STXBP5L: variants seen among roughly 807,000 people sequenced by gnomAD.
STXBP5L encodes the protein syntaxin-binding protein 5-like.
STXBP5L carries 65 observed loss-of-function variants against 144.5 expected under a neutral mutation model. The observed-to-expected ratio is 0.45, with a 90% CI of 0.37 to 0.55. STXBP5L has a LOEUF of 0.55. Among genes scored for constraint, STXBP5L ranks in the 20% least tolerant of loss-of-function variants. STXBP5L has a pLI of 0.00. For missense variants in STXBP5L, 1,298 were observed against 1,405.5 expected (o/e 0.92, Z 1.22); for synonymous variants, 505 against 469.6 (o/e 1.08, Z -0.97).
At chr3:120,953,568 A>C (rs1469543888) in intron 2 of STXBP5L, among the ~76,000 whole-genome samples, 1 of 149,634 alleles carries the variant, frequency 6.7e-6, no homozygotes, top group East Asian at 2.0e-4. Flanking sequence ...GAACTCCTGA[A>C]CTCAAGCAAT....
chr3:121,060,585 G>C (rs571841305), intron 5 of STXBP5L, among the ~76,000 whole-genome samples: 1 of 152,334 alleles, frequency 6.6e-6, no homozygotes, highest in East Asian at 1.9e-4. Context: ...GAATTCAGCT[G>C]TGAATCTGTC....
At chr3:121,208,990 T>C (rs114719000) in intron 10 of STXBP5L, among the ~76,000 whole-genome samples, 4,800 of 152,198 alleles carry the variant, frequency 0.032, 104 homozygotes, top group Admixed American at 0.045. Flanking sequence ...CATTGTTCGA[T>C]TCCCAATTAT....
intron 17 of STXBP5L, 94 bp downstream of exon 17, chr3:121,257,427 A>G (rs1291152394): frequency 2.5e-6 from 3 of 1,180,488 alleles, no homozygotes; most frequent in Non-Finnish European, 3.5e-6. Context: ...CTTATTATCA[A>G]GCTATTGTCA....
At chr3:121,160,350 T>C (rs935398680) in intron 9 of STXBP5L, among the ~76,000 whole-genome samples, 1 of 152,140 alleles carries the variant, frequency 6.6e-6, no homozygotes, top group Non-Finnish European at 1.5e-5. Context: ...ACACAGATTC[T>C]TCACCCAAAG....
rs547090581 is a variant in STXBP5L, at chr3:121,120,417, C to G, written c.606-1224C>G. On this transcript the variant is annotated intron_variant, in intron 6 of 26. Transcript: ENST00000471454. ...AATTTCTTTTCTTCCTGCATATATT[C>G]TAGAATGCAAATAGTAACTCTAATT... 4.6e-5 allele frequency among the ~76,000 whole-genome samples: 7 copies of G among 151,112 alleles called. No individual in the cohort carries two copies. In the South Asian group the frequency reaches 8.3e-4, roughly 18 times the overall value.
chr3:121,031,184 T>A (rs1412248804), intron 3 of STXBP5L, among the ~76,000 whole-genome samples: 1 of 152,118 alleles, frequency 6.6e-6, no homozygotes, highest in African/African-American at 2.4e-5. Context: ...GGCAGGAGAC[T>A]TTTAAACAGG....
At chr3:121,145,366 A>AT (rs58503530) in intron 7 of STXBP5L, among the ~76,000 whole-genome samples, 77,368 of 151,540 alleles carry the variant, frequency 0.51, 20,201 homozygotes, top group Admixed American at 0.6. Flanking sequence ...GATTATCTTT[A>AT]TGATGCTGAA....
intron 5 of STXBP5L, among the ~76,000 whole-genome samples, chr3:121,063,131 C>T (rs1288734980): frequency 6.6e-6 from 1 of 152,162 alleles, no homozygotes; most frequent in Non-Finnish European, 1.5e-5. Context: ...TGGCTTCTCC[C>T]CATCTTTGTG....
Position 121,141,328 on chromosome 3 carries a change from G to A in STXBP5L, c.670-11149G>A, listed in dbSNP as rs140453820. ...TGAGGCAGGAGAATCACTTGAACTCGGGAGGCAGAAGTTGCGGTGAGCTGA... is the reference window on the plus strand; with the variant it reads ...TGAGGCAGGAGAATCACTTGAACTCAGGAGGCAGAAGTTGCGGTGAGCTGA... On this transcript the variant is annotated intron_variant, in intron 7 of 26. Coordinates refer to ENST00000471454, the MANE Select transcript of STXBP5L (RefSeq NM_001308330.2). 4.7e-3 allele frequency among the ~76,000 whole-genome samples: 708 copies of A among 152,156 alleles called. 6 individuals are homozygous for A. The highest frequency in any genetic ancestry group is 0.016 in the African/African-American group (662 of 41,534).
intron 3 of STXBP5L, among the ~76,000 whole-genome samples, chr3:120,976,825 G>A (rs1272472894): frequency 8.5e-5 from 13 of 152,120 alleles, no homozygotes; most frequent in Non-Finnish European, 1.8e-4. Flanking sequence ...TCAGGAGCAG[G>A]TTGTTCAGTT....
chr3:121,409,434 G>C (rs566774521), intron 23 of STXBP5L, among the ~76,000 whole-genome samples: 27 of 151,986 alleles, frequency 1.8e-4, no homozygotes, highest in African/African-American at 6.5e-4. Flanking sequence ...ACAACTGGTG[G>C]GATATTAATG....
chr3:121,015,350 C>T (rs1047150520), intron 3 of STXBP5L, among the ~76,000 whole-genome samples: 13 of 152,072 alleles, frequency 8.5e-5, no homozygotes, highest in Non-Finnish European at 1.9e-4. Flanking sequence ...AGATGTTGAT[C>T]AGTCTTAAAA....
intron 5 of STXBP5L, among the ~76,000 whole-genome samples, chr3:121,090,157 G>A (rs1435329255): frequency 6.6e-6 from 1 of 152,076 alleles, no homozygotes; most frequent in Admixed American, 6.5e-5. Flanking sequence ...TCCAGGCATT[G>A]TTATGAGGTT....
intron 5 of STXBP5L, among the ~76,000 whole-genome samples, chr3:121,059,489 G>T (rs2041149501): frequency 6.6e-6 from 1 of 151,808 alleles, no homozygotes; most frequent in South Asian, 2.1e-4. Flanking sequence ...ATTTAAAGTA[G>T]TTTTTTTTCT....
At chr3:121,276,235 A>G (rs2050881816) in intron 18 of STXBP5L, among the ~76,000 whole-genome samples, 1 of 151,972 alleles carries the variant, frequency 6.6e-6, no homozygotes, top group Non-Finnish European at 1.5e-5. Context: ...AAGTAGATAA[A>G]TAAATGGAAT....
rs1285706475 is a variant in STXBP5L, at chr3:121,424,168, T to A, written c.*5071T>A. ...GGAGACATGGGTACCAGGTACCTGTTCTGCTGTAGGTATATTTCACTGGAC... is the reference window on the plus strand; with the variant it reads ...GGAGACATGGGTACCAGGTACCTGTACTGCTGTAGGTATATTTCACTGGAC... On this transcript the variant is annotated 3_prime_UTR_variant, in exon 27 of 27. Coordinates refer to ENST00000471454, the MANE Select transcript of STXBP5L (RefSeq NM_001308330.2). 1 of 152,220 alleles carries A rather than the reference T, an allele frequency of 6.6e-6. No homozygotes were observed. Among genetic ancestry groups the A allele is most frequent in the Non-Finnish European group, 1.5e-5 (1 of 68,038 alleles). 9.4% of individuals were successfully genotyped at this position (152,220 alleles called of 1,614,324 possible). A position where few individuals can be genotyped will look rare whatever the true frequency, so the allele number is the denominator to read the frequency against.
intron 12 of STXBP5L, among the ~76,000 whole-genome samples, chr3:121,236,506 A>G (rs981178806): frequency 6.6e-6 from 1 of 152,172 alleles, no homozygotes; most frequent in Non-Finnish European, 1.5e-5. Context: ...ACATGGTGAG[A>G]AAGAAGGCAA....
intron 3 of STXBP5L, among the ~76,000 whole-genome samples, chr3:120,963,287 C>T (rs1274152812): frequency 6.6e-6 from 1 of 152,136 alleles, no homozygotes; most frequent in Non-Finnish European, 1.5e-5. Context: ...TGTTTGATTG[C>T]CCTGGCCAGA....
At chr3:121,121,146 T>A (rs897057689) in intron 6 of STXBP5L, among the ~76,000 whole-genome samples, 2 of 151,300 alleles carry the variant, frequency 1.3e-5, no homozygotes, top group Admixed American at 6.6e-5. Context: ...GTAAAAGCGT[T>A]ATCACTAGAG....
Sources: allele counts gnomAD v4.1 joint callset (sites outside exome capture counted in the v4.1 genomes callset), GRCh38; gene constraint gnomAD v4.1.1; transcripts MANE v1.5; gene names NCBI Gene and HGNC (gene_info 2026-07-23, HGNC 2026-07-21).